ARHGEF10L: variants seen among roughly 807,000 people sequenced by gnomAD.
ARHGEF10L encodes the protein Rho guanine nucleotide exchange factor 10 like.
Under a neutral mutation model 141.2 loss-of-function variants are expected in ARHGEF10L, and 69 were observed. That is an observed-to-expected ratio of 0.49 (90% CI 0.40 to 0.60). The LOEUF (loss-of-function observed/expected upper bound fraction) is 0.60. Ranked by LOEUF, ARHGEF10L falls within the 20% of genes least tolerant of loss-of-function variation. ARHGEF10L has a pLI of 0.00. For missense variants in ARHGEF10L, 1,482 were observed against 1,734.3 expected (o/e 0.85, Z 2.58); for synonymous variants, 711 against 718.5 (o/e 0.99, Z 0.17).
rs1380565537 is a variant in ARHGEF10L at position 17,627,900 on chromosome 1, A to G, written c.1584+397A>G. 2.0e-5 allele frequency among the ~76,000 whole-genome samples: 3 copies of G among 152,104 alleles called. No homozygotes were observed. Among genetic ancestry groups the G allele is most frequent in the African/African-American group, 7.2e-5 (3 of 41,398 alleles). On this transcript the variant is annotated intron_variant, in intron 15 of 28. Transcript: ENST00000361221. The surrounding 1 kb of genome is among the most constrained non-coding windows in gnomAD (Gnocchi z 4.0). ...GCTCCCTTTGAAATGAGGAGCATTT[A>G]ATAGCACCGGAGCCCTAGGGCTGCT...
intron 28 of ARHGEF10L, among the ~76,000 whole-genome samples, chr1:17,695,549 G>T (rs2065435168): frequency 6.6e-6 from 1 of 152,348 alleles, no homozygotes; most frequent in South Asian, 2.1e-4. Context: ...TAATGGCAGG[G>T]GCTCCACTGG....
chr1:17,648,141 G>A (rs2061704528), intron 21 of ARHGEF10L, among the ~76,000 whole-genome samples: 1 of 152,184 alleles, frequency 6.6e-6, no homozygotes, highest in Non-Finnish European at 1.5e-5. Context: ...GAAATTCAAG[G>A]CAACAGGGGT....
At position 17,590,646 on chromosome 1, in the gene ARHGEF10L, C is replaced by T. The variant is rs567547350; in HGVS notation, c.257+2167C>T. 4.6e-5 allele frequency among the ~76,000 whole-genome samples: 7 copies of T among 152,204 alleles called. No individual in the cohort carries two copies. In the South Asian group the frequency reaches 1.5e-3, roughly 32 times the overall value. ...ACGTCCTTGGTGAACGAATGATGGA[C>T]AGAAGGACAAGGAGGGTCTGTGTTC... On this transcript the variant is annotated intron_variant, in intron 4 of 28. Transcript: ENST00000361221.
chr1:17,691,006 T>C, intron 27 of ARHGEF10L: 1 of 339,990 alleles, frequency 2.9e-6, no homozygotes, highest in Non-Finnish European at 5.8e-6. Flanking sequence ...TGGATTTTTT[T>C]AGTGTGTGTT....
intron 23 of ARHGEF10L, among the ~76,000 whole-genome samples, chr1:17,655,463 CCA>C (rs1245104889): frequency 4.7e-5 from 7 of 148,674 alleles, no homozygotes; most frequent in African/African-American, 9.7e-5. Context: ...ATCCATCCAT[CCA>C]TCCATCCATC....
intron 1 of ARHGEF10L, among the ~76,000 whole-genome samples, chr1:17,577,155 C>T (rs1206518631): frequency 6.6e-6 from 1 of 152,306 alleles, no homozygotes; most frequent in African/African-American, 2.4e-5. Flanking sequence ...AGTGATTCTC[C>T]TGCTTCAGCT....
chr1:17,660,822 C>T (rs111548771), intron 25 of ARHGEF10L, among the ~76,000 whole-genome samples: 105 of 152,164 alleles, frequency 6.9e-4, no homozygotes, highest in African/African-American at 2.4e-3. Flanking sequence ...AGAATATGTG[C>T]GTGCTTTCCC....
intron 2 of ARHGEF10L, among the ~76,000 whole-genome samples, chr1:17,581,989 G>T (rs193128168): frequency 6.6e-6 from 1 of 152,090 alleles, no homozygotes; most frequent in African/African-American, 2.4e-5. Flanking sequence ...CACAAGGACC[G>T]GGTCTGTCCA....
chr1:17,651,711 A>G (rs2061947932), intron 22 of ARHGEF10L, among the ~76,000 whole-genome samples: 1 of 152,160 alleles, frequency 6.6e-6, no homozygotes, highest in Admixed American at 6.5e-5. Flanking sequence ...GGCCAGAAGC[A>G]TCCTCAGTCC....
chr1:17,643,555 G>C (rs752200481), intron 21 of ARHGEF10L, among the ~76,000 whole-genome samples: 10 of 152,198 alleles, frequency 6.6e-5, no homozygotes, highest in Admixed American at 6.5e-5. Context: ...AGGCAGTAAG[G>C]GGTGGTCCTC....
chr1:17,607,286 G>A lies in ARHGEF10L; in HGVS notation c.434-516G>A, dbSNP rs1024368917. Among the ~76,000 whole-genome samples, 1 of 152,162 alleles carries A rather than the reference G, an allele frequency of 6.6e-6. No individual in the cohort carries two copies. The highest frequency in any genetic ancestry group is 2.4e-5 in the African/African-American group (1 of 41,428). ...GTCCAGGAGCTCAAGACCAGCCTGG[G>A]CAACATAACAAGACTCCGTCTCTAC... is the stretch of plus-strand genomic sequence containing the variant. On this transcript the variant is annotated intron_variant, in intron 6 of 28. Coordinates refer to ENST00000361221, the MANE Select transcript of ARHGEF10L (RefSeq NM_018125.4). The surrounding 1 kb of genome is among the most constrained non-coding windows in gnomAD (Gnocchi z 4.5).
chr1:17,514,172 C>T, the ARHGEF10L span, among the ~76,000 whole-genome samples: 29 of 111,460 alleles, frequency 2.6e-4, no homozygotes, highest in Middle Eastern at 0.023. Context: ...AGTCTCGCTC[C>T]GTTGCCCAGG....
At chr1:17,653,238 C>T (rs539566286) in intron 22 of ARHGEF10L, among the ~76,000 whole-genome samples, 25 of 152,322 alleles carry the variant, frequency 1.6e-4, no homozygotes, top group Admixed American at 1.2e-3. Flanking sequence ...GGGCTGGAGC[C>T]GTGTTGGCTG....
chr1:17,637,048 T>A, intron 18 of ARHGEF10L, among the ~76,000 whole-genome samples: 1 of 151,542 alleles, frequency 6.6e-6, no homozygotes, highest in South Asian at 2.1e-4. Context: ...CACACTGATA[T>A]CTTTCTCCCC....
intron 1 of ARHGEF10L, among the ~76,000 whole-genome samples, chr1:17,545,722 T>TGA (rs1203146600): frequency 6.6e-6 from 1 of 152,156 alleles, no homozygotes; most frequent in East Asian, 1.9e-4. Context: ...AGGACCTGCA[T>TGA]GAGAGAGTAG....
chr1:17,662,673 G>A (rs1421713080), intron 25 of ARHGEF10L, among the ~76,000 whole-genome samples: 2 of 152,046 alleles, frequency 1.3e-5, no homozygotes, highest in Non-Finnish European at 2.9e-5. Flanking sequence ...GCAGAGCATG[G>A]GGTAGGCCAG....
chr1:17,592,682 C>T (rs566274750), intron 4 of ARHGEF10L, among the ~76,000 whole-genome samples: 96 of 152,248 alleles, frequency 6.3e-4, no homozygotes, highest in African/African-American at 1.4e-3. Context: ...GGAGTGGGTC[C>T]GCAGCGTCTG....
chr1:17,550,775 T>G (rs539972299), intron 1 of ARHGEF10L, among the ~76,000 whole-genome samples: 1 of 151,688 alleles, frequency 6.6e-6, no homozygotes, highest in African/African-American at 2.4e-5. Context: ...AGAGAGACAA[T>G]TCAGAGGAGA....
chr1:17,568,927 C>T (rs1323811894), intron 1 of ARHGEF10L, among the ~76,000 whole-genome samples: 1 of 152,198 alleles, frequency 6.6e-6, no homozygotes, highest in African/African-American at 2.4e-5. Flanking sequence ...TCTTCCCTGT[C>T]CCCTTCCCAC....
Sources: allele counts gnomAD v4.1 joint callset (sites outside exome capture counted in the v4.1 genomes callset), GRCh38; gene constraint gnomAD v4.1.1; non-coding constraint Gnocchi (gnomAD v3.1); transcripts MANE v1.5; gene names NCBI Gene and HGNC (gene_info 2026-07-23, HGNC 2026-07-21).